ERICH3: variants seen among roughly 807,000 people sequenced by gnomAD.
ERICH3 encodes glutamate rich 3.
A neutral mutation model predicts 131.1 loss-of-function variants in ERICH3; 126 were observed. That is an observed-to-expected ratio of 0.96 (90% CI 0.83 to 1.11). The LOEUF is 1.11. Among genes scored for constraint, ERICH3 ranks in the 50% most tolerant of loss-of-function variants. The pLI, the probability that ERICH3 is intolerant of heterozygous loss-of-function variation, is 0.00. For missense variants in ERICH3, 2,050 were observed against 1,810.7 expected (o/e 1.13, Z -2.40); for synonymous variants, 695 against 644.6 (o/e 1.08, Z -1.18).
chr1:74,600,626 T>C (rs1411562559), intron 10 of ERICH3, among the ~76,000 whole-genome samples: 2 of 151,900 alleles, frequency 1.3e-5, no homozygotes, highest in African/African-American at 4.8e-5. Flanking sequence ...GCAGAGGTGC[T>C]ATAAATCTGT....
chr1:74,594,754 TC>T (rs1570838987), intron 11 of ERICH3, among the ~76,000 whole-genome samples: 1 of 152,094 alleles, frequency 6.6e-6, no homozygotes, highest in East Asian at 1.9e-4. Context: ...AGCCAAATTG[TC>T]TGTTTTAAAC....
chr1:74,606,869 C>G lies in ERICH3; in HGVS notation c.1221G>C (p.Pro407=). The G allele has an allele frequency of 2.5e-6, 4 of 1,612,012 alleles. No individual in the cohort carries two copies. The East Asian group carries it at 8.9e-5, about 36-fold the overall frequency. Residue 407 remains proline, a synonymous_variant, in exon 10 of 15, where the codon CCG becomes CCC. Coordinates refer to ENST00000326665, the MANE Select transcript of ERICH3 (RefSeq NM_001002912.5). The part of the protein sequence containing the change: ...CIIAMGLDKK[P]SLPKSRKEKS... Reference sequence around the variant, plus strand: ...TTTCTTTCCTAGATTTCGGCAAAGACGGTTTTTTGTCAAGGCCCATTGCAA... The same window carrying G: ...TTTCTTTCCTAGATTTCGGCAAAGAGGGTTTTTTGTCAAGGCCCATTGCAA...
rs186393093 is a variant in ERICH3 at position 74,587,964 on chromosome 1, C to G, written c.2176+1667G>C. On this transcript the variant is annotated intron_variant, in intron 12 of 14. Transcript: ENST00000326665. ...TTTATGAACTTTATCTCTAAAGTCCCAGTTTGTAAATTCTTAGGATTTTGT... is the reference window on the plus strand; with the variant it reads ...TTTATGAACTTTATCTCTAAAGTCCGAGTTTGTAAATTCTTAGGATTTTGT... 7.2e-3 allele frequency among the ~76,000 whole-genome samples: 1,101 copies of G among 152,208 alleles called. 11 individuals carry two copies. The highest frequency in any genetic ancestry group is 0.025 in the African/African-American group (1,026 of 41,526).
chr1:74,591,510 C>G (rs1647603010), intron 11 of ERICH3, among the ~76,000 whole-genome samples: 1 of 152,076 alleles, frequency 6.6e-6, no homozygotes, highest in African/African-American at 2.4e-5. Flanking sequence ...CACCAGTAGT[C>G]CAGGGCAGTC....
intron 1 of ERICH3, among the ~76,000 whole-genome samples, chr1:74,650,747 G>T (rs1646525664): frequency 6.6e-6 from 1 of 151,908 alleles, no homozygotes. Flanking sequence ...TTTATTTCTG[G>T]AATTTTTCCA....
At chr1:74,626,385 A>G (rs1434610231) in intron 7 of ERICH3, among the ~76,000 whole-genome samples, 1 of 152,314 alleles carries the variant, frequency 6.6e-6, no homozygotes, top group African/African-American at 2.4e-5. Flanking sequence ...CTGTAATTGC[A>G]CAGGGCTTAT....
chr1:74,640,508 T>G (rs1226490565), intron 5 of ERICH3, among the ~76,000 whole-genome samples: 1 of 152,148 alleles, frequency 6.6e-6, no homozygotes, highest in Non-Finnish European at 1.5e-5. Flanking sequence ...TCAGAAAAAG[T>G]ACATGTTAAC....
intron 12 of ERICH3, among the ~76,000 whole-genome samples, chr1:74,586,679 TA>T (rs1647345231): frequency 6.6e-6 from 1 of 151,950 alleles, no homozygotes; most frequent in Admixed American, 6.6e-5. Flanking sequence ...ATAGTGAAAG[TA>T]AGAAAAAATA....
chr1:74,660,392 T>G (rs953976207), intron 1 of ERICH3, among the ~76,000 whole-genome samples: 2 of 151,816 alleles, frequency 1.3e-5, no homozygotes, highest in African/African-American at 4.8e-5. Context: ...CTGTAAATTG[T>G]TGATAAAGGC....
rs758385809 is a variant in ERICH3 at position 74,572,038 on chromosome 1, T to G, written c.3672A>C (p.Ala1224=). Residue 1224 remains alanine, a synonymous_variant, in exon 14 of 15, where the codon GCA becomes GCC. Coordinates refer to ENST00000326665, the MANE Select transcript of ERICH3 (RefSeq NM_001002912.5). The part of the protein sequence containing the change: ...GALAAPEAEP[A]GKVQAPEGLI... ...GCCCCTCAGGGGCCTGCACCTTTCCTGCTGGCTCAGCTTCAGGAGCTGCTA... is the reference window on the plus strand; with the variant it reads ...GCCCCTCAGGGGCCTGCACCTTTCCGGCTGGCTCAGCTTCAGGAGCTGCTA... 9.2e-5 allele frequency: 148 copies of G among 1,614,100 alleles called. No individual in the cohort carries two copies. Among genetic ancestry groups the G allele is most frequent in the Non-Finnish European group, 1.2e-4 (136 of 1,180,048 alleles).
Position 74,631,784 on chromosome 1 carries a change from A to G in ERICH3, c.748T>C (p.Ser250Pro), listed in dbSNP as rs762278064. ...AATCTTCTCCTTCTCCATGTTTCAG[A>G]TCTATTTTCTCTTGTGATTTTCCCA... ...PTGKITRENR[S>P]ETWRRRRFRP... The change falls in exon 7 of 15, where the codon TCT becomes CCT. Residue 250 changes from serine (S) to proline (P), a missense_variant. Ser to Pro is a moderately conservative substitution (Grantham distance 74). Transcript: ENST00000326665. The G allele has an allele frequency of 3.7e-6, 6 of 1,613,622 alleles. No homozygotes were observed. The Admixed American group carries it at 1.0e-4, about 27-fold the overall frequency.
At chr1:74,650,407 G>C (rs567247348) in intron 1 of ERICH3, among the ~76,000 whole-genome samples, 1 of 152,006 alleles carries the variant, frequency 6.6e-6, no homozygotes, top group Non-Finnish European at 1.5e-5. Context: ...AAACATGCAC[G>C]CACATATGTA....
chr1:74,623,416 A>G (rs977600728), intron 7 of ERICH3: 4 of 152,222 alleles, frequency 2.6e-5, no homozygotes, highest in Admixed American at 6.5e-5. Flanking sequence ...CAAACAGTAT[A>G]GTGTCAAAGG....
At chr1:74,598,175 A>G (rs1384890610) in intron 11 of ERICH3, among the ~76,000 whole-genome samples, 1 of 151,784 alleles carries the variant, frequency 6.6e-6, no homozygotes, top group African/African-American at 2.4e-5. Flanking sequence ...ACTTTCTTAT[A>G]TTTCTGAAAT....
intron 1 of ERICH3, among the ~76,000 whole-genome samples, chr1:74,652,699 C>T (rs1312217925): frequency 6.6e-6 from 1 of 152,088 alleles, no homozygotes; most frequent in Admixed American, 6.6e-5. Flanking sequence ...GGCCTGTGAT[C>T]CTCCACTGCA....
chr1:74,673,863 G>T (rs1005286175), upstream of ERICH3: 7 of 270,074 alleles, frequency 2.6e-5, no homozygotes, highest in Admixed American at 1.6e-4. Flanking sequence ...ATAGGGAGGA[G>T]ACCCAAGCAA....
intron 9 of ERICH3, 128 bp from the exon 10 acceptor site, chr1:74,607,030 C>T: frequency 1.5e-6 from 1 of 666,030 alleles, no homozygotes; most frequent in Non-Finnish European, 2.3e-6. Context: ...GATTACAGTA[C>T]ACACTAATAA....
Position 74,606,835 on chromosome 1 carries a change from C to G in ERICH3, c.1255G>C (p.Glu419Gln). ...GCCTTCTTCAGTTCCTCTCCTTTCT[C>G]AGTGCTCTTTTCTTTCCTAGATTTC... ...LPKSRKEKSTEKGEELKKAEG... is the reference protein window; with the variant it reads ...LPKSRKEKSTQKGEELKKAEG... The change falls in exon 10 of 15, where the codon GAG becomes CAG. Residue 419 changes from glutamate (E) to glutamine (Q), a missense_variant. Physicochemically the swap from Glu to Gln is conservative, Grantham distance 29. Transcript: ENST00000326665. The G allele has an allele frequency of 1.2e-6, 2 of 1,613,104 alleles. No individual in the cohort carries two copies. The highest frequency in any genetic ancestry group is 1.7e-5 in the Admixed American group (1 of 59,890).
chr1:74,642,964 A>T, intron 4 of ERICH3, 63 bp downstream of exon 4: 1 of 1,250,108 alleles, frequency 8.0e-7, no homozygotes, highest in South Asian at 1.3e-5. Context: ...TCATAGTTTC[A>T]CTGTTTTTTT....
Sources: allele counts gnomAD v4.1 joint callset (sites outside exome capture counted in the v4.1 genomes callset), GRCh38; gene constraint gnomAD v4.1.1; transcripts MANE v1.5; gene names NCBI Gene and HGNC (gene_info 2026-07-23, HGNC 2026-07-21).